Variants in SLC9A9 observed in about 807,000 individuals in gnomAD.
SLC9A9 encodes the protein sodium/hydrogen exchanger 9.
In SLC9A9, 62 loss-of-function variants were observed where a neutral mutation model predicts 77.8. The observed-to-expected ratio is 0.80, with a 90% CI of 0.65 to 0.98. SLC9A9 has a LOEUF of 0.98. Ranked by LOEUF, SLC9A9 falls within the 50% of genes least tolerant of loss-of-function variation. SLC9A9 has a pLI of 0.00. For synonymous variants in SLC9A9, 320 were observed against 283.5 expected, an observed-to-expected ratio of 1.13 and a Z score of -1.29; for missense variants, 775 against 774.9, an observed-to-expected ratio of 1.00 and a Z score of 0.00.
chr3:143,329,622 A>G (rs1015759180), intron 14 of SLC9A9, among the ~76,000 whole-genome samples: 6 of 152,150 alleles, frequency 3.9e-5, no homozygotes, highest in African/African-American at 9.7e-5. Flanking sequence ...CAGTCCGCCC[A>G]TCGTCTCTGG....
At chr3:143,632,251 G>C (rs1054987608) in intron 6 of SLC9A9, among the ~76,000 whole-genome samples, 4 of 152,110 alleles carry the variant, frequency 2.6e-5, no homozygotes. Flanking sequence ...GGAGGCAGAT[G>C]ACTTAGAGGG....
At chr3:143,799,834 G>C (rs1390966696) in intron 2 of SLC9A9, among the ~76,000 whole-genome samples, 3 of 152,288 alleles carry the variant, frequency 2.0e-5, no homozygotes, top group Non-Finnish European at 2.9e-5. Flanking sequence ...TCACAGTGGA[G>C]GGTAAGTCTG....
intron 12 of SLC9A9, among the ~76,000 whole-genome samples, chr3:143,443,416 T>C (rs183551908): frequency 3.3e-4 from 50 of 152,324 alleles, no homozygotes; most frequent in African/African-American, 8.9e-4. Flanking sequence ...TGTTTTGTAA[T>C]GTTTTATCTA....
chr3:143,390,880 C>A (rs978530657), intron 12 of SLC9A9, among the ~76,000 whole-genome samples: 3 of 152,220 alleles, frequency 2.0e-5, no homozygotes, highest in Non-Finnish European at 4.4e-5. Flanking sequence ...GATTGAACTG[C>A]AAGGCAGCAG....
chr3:143,504,678 C>T (rs983345877), intron 9 of SLC9A9, among the ~76,000 whole-genome samples: 2 of 151,874 alleles, frequency 1.3e-5, no homozygotes, highest in Non-Finnish European at 2.9e-5. Context: ...TTTTTAGGAC[C>T]TAAATTGTAC....
At chr3:143,662,667 G>A (rs112784241) in intron 5 of SLC9A9, among the ~76,000 whole-genome samples, 1,861 of 152,154 alleles carry the variant, frequency 0.012, 36 homozygotes, top group African/African-American at 0.042. Flanking sequence ...TGCCTGTCTC[G>A]GTGGGTCCTA....
At chr3:143,527,158 T>G (rs375744245) in intron 9 of SLC9A9, among the ~76,000 whole-genome samples, 1 of 152,248 alleles carries the variant, frequency 6.6e-6, no homozygotes. Flanking sequence ...TGCATTTCTC[T>G]CTCAAAGATT....
chr3:143,485,781 T>C (rs1012184887), intron 11 of SLC9A9, among the ~76,000 whole-genome samples: 6 of 152,048 alleles, frequency 3.9e-5, no homozygotes, highest in Non-Finnish European at 8.8e-5. Flanking sequence ...AAAGACGTGA[T>C]GGCAGATATA....
chr3:143,414,916 G>A (rs1368881802), intron 12 of SLC9A9, among the ~76,000 whole-genome samples: 1 of 152,210 alleles, frequency 6.6e-6, no homozygotes, highest in African/African-American at 2.4e-5. Flanking sequence ...AATTGTGAAT[G>A]CAAAGGAAGA....
chr3:143,546,632 C>T (rs931633029), intron 9 of SLC9A9, among the ~76,000 whole-genome samples: 1 of 152,256 alleles, frequency 6.6e-6, no homozygotes, highest in Middle Eastern at 3.4e-3. Flanking sequence ...GGTGCTATCC[C>T]ATCTACTAAC....
At chr3:143,272,339 C>T (rs1330791942) in intron 14 of SLC9A9, among the ~76,000 whole-genome samples, 1 of 152,150 alleles carries the variant, frequency 6.6e-6, no homozygotes, top group Non-Finnish European at 1.5e-5. Flanking sequence ...CTCCTGAAGG[C>T]AGTCCCCTTC....
intron 9 of SLC9A9, among the ~76,000 whole-genome samples, chr3:143,522,105 T>G (rs1215024352): frequency 6.6e-6 from 1 of 152,158 alleles, no homozygotes; most frequent in Non-Finnish European, 1.5e-5. Flanking sequence ...TCAGTTTGTG[T>G]CTCTCGACCT....
At chr3:143,770,506 G>A (rs994667115) in intron 4 of SLC9A9, among the ~76,000 whole-genome samples, 1 of 152,092 alleles carries the variant, frequency 6.6e-6, no homozygotes, top group African/African-American at 2.4e-5. Flanking sequence ...GTGTTGGGAG[G>A]AGTCTGGGGG....
chr3:143,693,720 C>G (rs756531023), intron 4 of SLC9A9, among the ~76,000 whole-genome samples: 2 of 152,058 alleles, frequency 1.3e-5, no homozygotes, highest in Non-Finnish European at 2.9e-5. Context: ...AATTTCAAGT[C>G]CATCACTGTG....
chr3:143,710,259 G>A (rs1015850992), intron 4 of SLC9A9, among the ~76,000 whole-genome samples: 1 of 152,150 alleles, frequency 6.6e-6, no homozygotes, highest in Admixed American at 6.5e-5. Context: ...GTATCTCAAA[G>A]TATAAAATTC....
chr3:143,467,583 AT>A (rs149689623), intron 11 of SLC9A9, among the ~76,000 whole-genome samples: 2,013 of 151,700 alleles, frequency 0.013, 41 homozygotes, highest in African/African-American at 0.045. Context: ...GTCTCTACAG[AT>A]TTTTTTTTAA....
At chr3:143,634,666 A>C (rs895749656) in intron 6 of SLC9A9, among the ~76,000 whole-genome samples, 6 of 152,186 alleles carry the variant, frequency 3.9e-5, no homozygotes, top group Non-Finnish European at 7.3e-5. Flanking sequence ...ACACACACAC[A>C]CATATAGAGA....
chr3:143,369,143 G>A (rs2032984918), intron 13 of SLC9A9, among the ~76,000 whole-genome samples: 2 of 152,134 alleles, frequency 1.3e-5, no homozygotes, highest in African/African-American at 2.4e-5. Context: ...TACAAAGAAA[G>A]GGCTTGGTCC....
intron 4 of SLC9A9, among the ~76,000 whole-genome samples, chr3:143,791,359 A>C (rs888461778): frequency 1.3e-5 from 2 of 152,234 alleles, no homozygotes; most frequent in Admixed American, 1.3e-4. Flanking sequence ...CATGCAAATA[A>C]ACCCAATGAT....
Sources: gnomAD v4.1 joint callset for allele counts (sites outside exome capture counted in the v4.1 genomes callset) on GRCh38, gnomAD v4.1.1 for gene constraint, MANE v1.5 for transcripts, NCBI Gene and HGNC (gene_info 2026-07-23, HGNC 2026-07-21) for gene names.